Variants in SIDT1 observed in about 807,000 individuals in gnomAD.
SIDT1 encodes SID1 transmembrane family, member 1.
A neutral mutation model predicts 107.5 loss-of-function variants in SIDT1; 101 were observed. That is an observed-to-expected ratio of 0.94 (90% CI 0.80 to 1.11). The LOEUF (loss-of-function observed/expected upper bound fraction) is 1.11. SIDT1 is among the 50% of genes least tolerant of loss of function. The pLI is 0.00. For missense variants in SIDT1, 1,076 were observed against 1,058.2 expected, an observed-to-expected ratio of 1.02 and a Z score of -0.23; for synonymous variants, 395 against 398.2, an observed-to-expected ratio of 0.99 and a Z score of 0.10.
chr3:113,580,222 T>C (rs951379143), intron 4 of SIDT1, among the ~76,000 whole-genome samples: 1 of 152,210 alleles, frequency 6.6e-6, no homozygotes, highest in Admixed American at 6.5e-5. Flanking sequence ...GTATGTCACA[T>C]TGACCACACA....
At chr3:113,618,544 A>G (rs919716461) in intron 20 of SIDT1, among the ~76,000 whole-genome samples, 1 of 152,246 alleles carries the variant, frequency 6.6e-6, no homozygotes, top group African/African-American at 2.4e-5. Flanking sequence ...CCCACCAGCA[A>G]TGAGTGTTAC....
At chr3:113,593,239 A>G (rs892780161) in intron 10 of SIDT1, among the ~76,000 whole-genome samples, 191 bp downstream of exon 10, 2 of 152,204 alleles carry the variant, frequency 1.3e-5, no homozygotes, top group Non-Finnish European at 2.9e-5. Context: ...AAGAGGTCCC[A>G]AGCCCTAGGC....
At chr3:113,572,996 CTT>C (rs67858249) in intron 3 of SIDT1, among the ~76,000 whole-genome samples, 1 of 145,634 alleles carries the variant, frequency 6.9e-6, no homozygotes, top group Non-Finnish European at 1.5e-5. Context: ...ATTTACATTC[CTT>C]TTTTTTTTTT....
intron 1 of SIDT1, among the ~76,000 whole-genome samples, chr3:113,535,844 G>C (rs777632169): frequency 1.3e-5 from 2 of 152,160 alleles, no homozygotes; most frequent in Non-Finnish European, 2.9e-5. Flanking sequence ...CTACCAGCCA[G>C]TATTCCTGTT....
intron 1 of SIDT1, among the ~76,000 whole-genome samples, chr3:113,545,126 A>AC (rs1474933803): frequency 2.7e-5 from 4 of 150,874 alleles, no homozygotes; most frequent in Non-Finnish European, 5.9e-5. Flanking sequence ...AAAAAAAAAA[A>AC]AAAAAAAAAA....
intron 17 of SIDT1, 89 bp downstream of exon 17, chr3:113,608,625 A>C: frequency 1.1e-6 from 1 of 897,680 alleles, no homozygotes; most frequent in Non-Finnish European, 1.8e-6. Flanking sequence ...ATGCTTGCAA[A>C]GATCAAATGG....
chr3:113,612,284 C>A, intron 19 of SIDT1, 90 bp downstream of exon 19: 1 of 910,434 alleles, frequency 1.1e-6, no homozygotes, highest in Non-Finnish European at 1.8e-6. Context: ...ATGAAAGTGT[C>A]ACTGGTCACC....
chr3:113,604,318 G>A (rs1480745400), intron 13 of SIDT1, among the ~76,000 whole-genome samples: 1 of 152,146 alleles, frequency 6.6e-6, no homozygotes, highest in African/African-American at 2.4e-5. Context: ...TTTTCTCCTG[G>A]AGGATGCCCT....
At chr3:113,533,314 G>C (rs1937686718) in intron 1 of SIDT1, 71 bp downstream of exon 1, 1 of 1,223,178 alleles carries the variant, frequency 8.2e-7, no homozygotes. Flanking sequence ...CTGCTTTGGA[G>C]TCCCCTGGGA....
At chr3:113,612,270 C>A in intron 19 of SIDT1, 76 bp downstream of exon 19, 1 of 1,056,314 alleles carries the variant, frequency 9.5e-7, no homozygotes, top group African/African-American at 1.6e-5. Context: ...TTTACTTATG[C>A]TGAATGAAAG....
intron 19 of SIDT1, chr3:113,615,195 G>A: frequency 9.5e-7 from 1 of 1,053,066 alleles, no homozygotes; most frequent in Non-Finnish European, 1.4e-6. Flanking sequence ...CAGACTCCGT[G>A]GGAGTGGGGA....
intron 3 of SIDT1, among the ~76,000 whole-genome samples, chr3:113,574,325 G>A (rs1035846371): frequency 2.6e-5 from 4 of 152,168 alleles, no homozygotes; most frequent in African/African-American, 9.7e-5. Flanking sequence ...AGTCCTGAAG[G>A]GAGTTCATAG....
chr3:113,619,647 C>T (rs1181926920), intron 20 of SIDT1, 33 bp from the exon 21 acceptor site: 1 of 1,605,338 alleles, frequency 6.2e-7, no homozygotes, highest in Non-Finnish European at 8.5e-7. Context: ...GCTGTGCAGC[C>T]TCTCATTTGA....
rs536197644 is a variant in SIDT1 at position 113,626,865 on chromosome 3, A to T, written c.2421+650A>T. Among the ~76,000 whole-genome samples the T allele has an allele frequency of 2.0e-5, 3 of 152,236 alleles. No homozygotes were observed. The South Asian group carries it at 6.2e-4, about 32-fold the overall frequency. On this transcript the variant is annotated intron_variant, in intron 24 of 24. Transcript: ENST00000264852. Reference sequence around the variant, plus strand: ...GGTTCAATTGACAATTAACAACCCTACTAGACTCCCGGGCTCCAGACCTAC... The same window carrying T: ...GGTTCAATTGACAATTAACAACCCTTCTAGACTCCCGGGCTCCAGACCTAC...
chr3:113,587,915 A>G (rs1003316402), intron 9 of SIDT1, among the ~76,000 whole-genome samples: 13 of 152,350 alleles, frequency 8.5e-5, no homozygotes, highest in South Asian at 8.3e-4. Flanking sequence ...CACCCCAGCA[A>G]GGATCTAAGT....
At chr3:113,625,990 T>C in intron 23 of SIDT1, 112 bp from the exon 24 acceptor site, 2 of 752,362 alleles carry the variant, frequency 2.7e-6, no homozygotes, top group Non-Finnish European at 4.7e-6. Flanking sequence ...TCTTGGAAGC[T>C]AACTTTTCGA....
At chr3:113,555,520 CCTT>C (rs1433319670) in intron 1 of SIDT1, among the ~76,000 whole-genome samples, 1 of 152,144 alleles carries the variant, frequency 6.6e-6, no homozygotes, top group Non-Finnish European at 1.5e-5. Context: ...CAATGATTAT[CCTT>C]CTCCTCAATG....
intron 20 of SIDT1, among the ~76,000 whole-genome samples, chr3:113,618,648 T>G (rs1219446812): frequency 6.6e-6 from 1 of 152,200 alleles, no homozygotes; most frequent in Non-Finnish European, 1.5e-5. Context: ...ATGAAGTTAT[T>G]TCCTCCAAAT....
intron 21 of SIDT1, among the ~76,000 whole-genome samples, chr3:113,622,463 C>CAAAAAAAAAAAAA (rs765265068): frequency 1.7e-5 from 1 of 57,988 alleles, no homozygotes; most frequent in Non-Finnish European, 3.2e-5. Context: ...GACTCCATCT[C>CAAAAAAAAAAAAA]AAAAAAAAAA....
Sources: gnomAD v4.1 joint callset for allele counts (sites outside exome capture counted in the v4.1 genomes callset) on GRCh38, gnomAD v4.1.1 for gene constraint, MANE v1.5 for transcripts, NCBI Gene and HGNC (gene_info 2026-07-23, HGNC 2026-07-21) for gene names.